The following NIPBL variants were observed in gnomAD, a reference collection of about 807,000 sequenced individuals.
NIPBL encodes NIPBL cohesin loading factor.
In NIPBL, 19 loss-of-function variants were observed where a neutral mutation model predicts 321.8. The observed-to-expected ratio is 0.06, with a 90% confidence interval of 0.04 to 0.09. The LOEUF is 0.09. Ranked by LOEUF, NIPBL falls within the 10% of genes least tolerant of loss-of-function variation. The pLI is 1.00. For synonymous variants in NIPBL, 1,106 were observed against 1,114.1 expected (o/e 0.99, Z 0.14); for missense variants, 2,210 against 3,327.0 (o/e 0.66, Z 8.26).
At chr5:36,907,943 A>G (rs775069768) in intron 1 of NIPBL, among the ~76,000 whole-genome samples, 1 of 152,206 alleles carries the variant, frequency 6.6e-6, no homozygotes, top group East Asian at 1.9e-4. Flanking sequence ...GCTTTACACA[A>G]TAGTAAAAAA....
chr5:37,033,705 C>CACACACACATATATAT (rs1415570935), intron 32 of NIPBL, among the ~76,000 whole-genome samples: 1 of 80,236 alleles, frequency 1.2e-5, no homozygotes, highest in African/African-American at 4.8e-5. Context: ...CACACACACA[C>CACACACACATATATAT]ATATATATAT....
At position 36,958,128 on chromosome 5, in the gene NIPBL, T is replaced by C. The variant is rs765659128; in HGVS notation, c.255T>C (p.Ser85=). 14 of 1,613,954 alleles carry C rather than the reference T, an allele frequency of 8.7e-6. No individual in the cohort carries two copies. The highest frequency in any genetic ancestry group is 1.1e-5 in the Non-Finnish European group (13 of 1,179,964). The stretch of plus-strand genomic sequence containing the variant: ...GAGAGTTGAAAGATAACCTTGGCAG[T>C]GATGACCCAGAAGGTGACATACCAG... The part of the protein sequence containing the change: ...DHIELKDNLG[S]DDPEGDIPVL... Residue 85 remains serine, a synonymous_variant, in exon 4 of 47, where the codon AGT becomes AGC. Coordinates refer to ENST00000282516, the MANE Select transcript of NIPBL (RefSeq NM_133433.4).
intron 10 of NIPBL, 55 bp from the exon 11 acceptor site, chr5:36,995,567 T>G (rs1209226830): frequency 3.2e-6 from 4 of 1,250,306 alleles, no homozygotes; most frequent in Non-Finnish European, 4.6e-6. Context: ...TAGTTAAAAT[T>G]TTCCTTTTAT....
Position 36,939,223 on chromosome 5 carries a change from G to A in NIPBL, c.-79-14395G>A, listed in dbSNP as rs116959180. On this transcript the variant is annotated intron_variant, in intron 1 of 46. Transcript: ENST00000282516. The stretch of plus-strand genomic sequence containing the variant: ...TTGCCATATTGCCCAGACTATTCTT[G>A]AACTCTTGGGCTCAAACTATCCATC... 5.3e-4 allele frequency among the ~76,000 whole-genome samples: 81 copies of A among 152,160 alleles called. 2 individuals are homozygous for A. In the East Asian group the frequency reaches 0.015, roughly 28 times the overall value.
At chr5:36,925,087 A>G (rs1402092391) in intron 1 of NIPBL, among the ~76,000 whole-genome samples, 1 of 152,238 alleles carries the variant, frequency 6.6e-6, no homozygotes. Context: ...TCTGTCTGAC[A>G]GGAATCTGCT....
chr5:37,062,867 C>T (rs943294617), intron 45 of NIPBL, among the ~76,000 whole-genome samples: 9 of 151,866 alleles, frequency 5.9e-5, no homozygotes, highest in Non-Finnish European at 1.3e-4. Flanking sequence ...CTACAGTGAG[C>T]CATGATCGTG....
intron 32 of NIPBL, 34 bp from the exon 33 acceptor site, chr5:37,036,345 A>ATT: frequency 4.6e-6 from 2 of 432,636 alleles, no homozygotes; most frequent in Non-Finnish European, 6.6e-6. Context: ...GTATATATAT[A>ATT]TGTATATATA....
At chr5:37,045,674 C>A in intron 37 of NIPBL, 77 bp downstream of exon 37, 1 of 1,451,082 alleles carries the variant, frequency 6.9e-7, no homozygotes, top group Non-Finnish European at 9.7e-7. Flanking sequence ...CAGTAGTGAC[C>A]CAGGATGAAG....
rs867646113 is a variant in NIPBL, at chr5:36,894,339, A to G, written c.-80+17161A>G. Among the ~76,000 whole-genome samples the G allele has an allele frequency of 5.5e-4, 84 of 152,278 alleles. 1 individual carries two copies. The highest frequency in any genetic ancestry group is 4.0e-3 in the Admixed American group (61 of 15,286). The stretch of plus-strand genomic sequence containing the variant: ...CGCAGATAAAGTGAAGTATCCAAAA[A>G]AAAACTCTATTTATATGAGAAGTTT... On this transcript the variant is annotated intron_variant, in intron 1 of 46. Transcript: ENST00000282516.
chr5:36,940,344 TAAATC>T (rs1232045044), intron 1 of NIPBL, among the ~76,000 whole-genome samples: 1 of 152,138 alleles, frequency 6.6e-6, no homozygotes, highest in Non-Finnish European at 1.5e-5. Context: ...TGAGTCAAAA[TAAATC>T]AAATTGAGAG....
At position 37,020,594 on chromosome 5, in the gene NIPBL, A is replaced by G. The variant is rs1187055838; in HGVS notation, c.5146A>G (p.Ile1716Val). ...HAKEIETTGQ[I>V]MHRAENRKKF... ...AAAGGAAATTGAGACAACTGGCCAA[A>G]TTATGCATCGAGCTGAAAACCGAAA... The change falls in exon 26 of 47, where the codon ATT (isoleucine) becomes GTT (valine). Residue 1716 changes from isoleucine to valine, a missense_variant. By Grantham distance (29) the Ile-to-Val change is conservative (BLOSUM62 3). Around this residue, in one of 14 missense-constraint regions of NIPBL, gnomAD observed 138 missense variants for 175.8 expected, o/e 0.79. Transcript: ENST00000282516. 6.2e-7 allele frequency: 1 copy of G among 1,614,158 alleles called. No individual in the cohort carries two copies. The highest frequency in any genetic ancestry group is 1.7e-5 in the Admixed American group (1 of 60,028).
intron 10 of NIPBL, among the ~76,000 whole-genome samples, chr5:36,989,986 C>T (rs1745306941): frequency 1.3e-5 from 2 of 150,466 alleles, no homozygotes; most frequent in Admixed American, 6.6e-5. Flanking sequence ...AATATCTTTG[C>T]TTTATGTCTA....
At chr5:36,878,873 A>G (rs904900597) in intron 1 of NIPBL, among the ~76,000 whole-genome samples, 23 of 151,056 alleles carry the variant, frequency 1.5e-4, no homozygotes, top group Non-Finnish European at 2.9e-4. Flanking sequence ...CTGAGCCCCA[A>G]TCCCGGCCTC....
Position 36,976,384 on chromosome 5 carries a change from AAAG to A in NIPBL, c.1481_1483del (p.Glu494del). 2 of 1,607,538 alleles carry A rather than the reference AAAG, an allele frequency of 1.2e-6. No individual in the cohort carries two copies. The highest frequency in any genetic ancestry group is 2.2e-5 in the East Asian group (1 of 44,862). On this transcript the variant is annotated inframe_deletion, in exon 9 of 47. Transcript: ENST00000282516. ...AGCTATTGAAAGGGAGCGCTTCTCA[AAAG>A]AAGTTCAAGATAAAGGTAAAATAAT... is the stretch of plus-strand genomic sequence containing the variant.
intron 1 of NIPBL, among the ~76,000 whole-genome samples, chr5:36,917,641 G>C (rs1748576762): frequency 6.6e-6 from 1 of 152,074 alleles, no homozygotes; most frequent in South Asian, 2.1e-4. Flanking sequence ...TTCTTCTAGG[G>C]TTTTTATGGT....
chr5:36,903,433 C>T (rs961894064), intron 1 of NIPBL, among the ~76,000 whole-genome samples: 4 of 151,912 alleles, frequency 2.6e-5, no homozygotes, highest in Non-Finnish European at 4.4e-5. Context: ...CTATTTTGCC[C>T]CTCTTTTTAA....
At position 37,000,693 on chromosome 5, in the gene NIPBL, T is replaced by A; in HGVS notation, c.3502+123T>A. On this transcript the variant is annotated intron_variant, in intron 12 of 46. Coordinates refer to ENST00000282516, the MANE Select transcript of NIPBL (RefSeq NM_133433.4). Reference sequence around the variant, plus strand: ...TAATTTTCAATTAAGACAAAAATACTTAGTTTCTATGTGCAGTGATTATCG... The same window carrying A: ...TAATTTTCAATTAAGACAAAAATACATAGTTTCTATGTGCAGTGATTATCG... 6 of 1,276,340 alleles carry A rather than the reference T, an allele frequency of 4.7e-6. No homozygotes were observed. In the South Asian group the frequency reaches 6.4e-5, roughly 14 times the overall value. 79.1% of individuals were successfully genotyped at this position (1,276,340 alleles called of 1,614,324 possible). A position where few individuals can be genotyped will look rare whatever the true frequency, so the allele number is the denominator to read the frequency against.
intron 1 of NIPBL, chr5:36,885,327 G>C (rs1227052695): frequency 4.3e-5 from 21 of 485,078 alleles, no homozygotes; most frequent in South Asian, 3.2e-4. Context: ...GGCGCCAGGG[G>C]CTCTGGTTCG....
chr5:36,973,764 AG>A (rs1443417157), intron 8 of NIPBL, among the ~76,000 whole-genome samples: 1 of 151,922 alleles, frequency 6.6e-6, no homozygotes. Flanking sequence ...CCACCACACC[AG>A]GCTTGTCGTC....
Sources: allele counts gnomAD v4.1 joint callset (sites outside exome capture counted in the v4.1 genomes callset), GRCh38; gene constraint gnomAD v4.1.1; regional missense constraint gnomAD v4.1.1; transcripts MANE v1.5; gene names NCBI Gene and HGNC (gene_info 2026-07-23, HGNC 2026-07-21).